Variants in PCNX1 observed in about 807,000 individuals in gnomAD.
The protein encoded by PCNX1 is pecanex-like protein 1.
Under a neutral mutation model 242.2 loss-of-function variants are expected in PCNX1, and 78 were observed. That is an observed-to-expected ratio of 0.32 (90% CI 0.27 to 0.39). The LOEUF (loss-of-function observed/expected upper bound fraction) is 0.39. PCNX1 is among the 10% of genes least tolerant of loss of function. The pLI is 1.00. For missense variants in PCNX1, 2,581 were observed against 2,856.5 expected (o/e 0.90, Z 2.20); for synonymous variants, 1,024 against 1,032.9 (o/e 0.99, Z 0.17).
chr14:70,925,283 C>G (rs532389810), intron 1 of PCNX1, among the ~76,000 whole-genome samples: 16 of 152,310 alleles, frequency 1.1e-4, no homozygotes, highest in African/African-American at 3.9e-4. Context: ...GCCACGAAGC[C>G]CGGCTTGCGT....
In PCNX1 at chr14:70,994,426, T is replaced by TATATATATATATATATAG. The variant is rs1387360991; in HGVS notation, c.2445-1311_2445-1310insATATATATATATAGATAT. On this transcript the variant is annotated intron_variant, in intron 7 of 35. Coordinates refer to ENST00000304743, the MANE Select transcript of PCNX1 (RefSeq NM_014982.3). ...ATATATATATATATATATATATATA[T>TATATATATATATATATAG]ATATGTATGTATGTATGTTTCAACA... Among the ~76,000 whole-genome samples the TATATATATATATATATAG allele has an allele frequency of 4.6e-4, 53 of 114,974 alleles. 2 individuals carry two copies. The highest frequency in any genetic ancestry group is 8.1e-4 in the Non-Finnish European group (44 of 54,202). 75.4% of individuals were successfully genotyped at this position (114,974 alleles called of 152,430 possible).
chr14:71,106,129 T>TCAGCCTC (rs2062612449), intron 33 of PCNX1, among the ~76,000 whole-genome samples: 1 of 151,982 alleles, frequency 6.6e-6, no homozygotes, highest in South Asian at 2.1e-4. Context: ...TTCTCCTACC[T>TCAGCCTC]CAGCCTCCCG....
intron 2 of PCNX1, among the ~76,000 whole-genome samples, chr14:70,961,127 C>T (rs1182685830): frequency 6.6e-6 from 1 of 152,090 alleles, no homozygotes; most frequent in Non-Finnish European, 1.5e-5. Flanking sequence ...TCCCCATCAA[C>T]CTACCAATGA....
At chr14:71,025,989 G>T in intron 13 of PCNX1, 128 bp from the exon 14 acceptor site, 1 of 496,246 alleles carries the variant, frequency 2.0e-6, no homozygotes. Flanking sequence ...TCCTTTCTGT[G>T]ATTGTCAGAA....
chr14:70,941,913 C>T (rs1357907307), intron 1 of PCNX1, among the ~76,000 whole-genome samples: 5 of 152,290 alleles, frequency 3.3e-5, no homozygotes, highest in East Asian at 3.9e-4. Flanking sequence ...GCTCTGTGGG[C>T]GTGGGACCCT....
At chr14:70,930,067 G>A (rs1358194582) in intron 1 of PCNX1, among the ~76,000 whole-genome samples, 1 of 151,718 alleles carries the variant, frequency 6.6e-6, no homozygotes, top group Non-Finnish European at 1.5e-5. Context: ...TATTTTTCAT[G>A]TCTGTGCCCT....
chr14:70,963,578 A>C (rs2058286111), intron 3 of PCNX1, among the ~76,000 whole-genome samples: 1 of 152,230 alleles, frequency 6.6e-6, no homozygotes, highest in Non-Finnish European at 1.5e-5. Flanking sequence ...AATCTTGAAC[A>C]GGGTCTTGTT....
intron 5 of PCNX1, among the ~76,000 whole-genome samples, chr14:70,974,791 T>TA (rs1277792194): frequency 1.1e-4 from 16 of 152,196 alleles, no homozygotes; most frequent in Admixed American, 3.9e-4. Context: ...ACAATTATTT[T>TA]AAAAAAAGTT....
chr14:70,907,791 C>T lies in PCNX1; in HGVS notation c.-60C>T. On this transcript the variant is annotated 5_prime_UTR_variant, in exon 1 of 36. Coordinates refer to ENST00000304743, the MANE Select transcript of PCNX1 (RefSeq NM_014982.3). ...GCAGGCTCCGGCGACCGAGGCCGAG[C>T]TGGGGCCGGGGCGGGGACGGCGGCG... 8 of 1,212,112 alleles carry T rather than the reference C, an allele frequency of 6.6e-6. No individual in the cohort carries two copies. Among genetic ancestry groups the T allele is most frequent in the Non-Finnish European group, 8.2e-6 (8 of 975,124 alleles). 75.1% of individuals were successfully genotyped at this position (1,212,112 alleles called of 1,614,324 possible). A position where few individuals can be genotyped will look rare whatever the true frequency, so the allele number is the denominator to read the frequency against.
At chr14:71,050,222 G>A (rs1373930675) in intron 22 of PCNX1, among the ~76,000 whole-genome samples, 1 of 151,210 alleles carries the variant, frequency 6.6e-6, no homozygotes, top group Non-Finnish European at 1.5e-5. Context: ...TGCACAATGT[G>A]CAGGTTAGTT....
chr14:70,936,100 ATAAAT>A (rs2056990403), intron 1 of PCNX1, among the ~76,000 whole-genome samples: 1 of 152,220 alleles, frequency 6.6e-6, no homozygotes, highest in South Asian at 2.1e-4. Flanking sequence ...TATTAAAGCT[ATAAAT>A]TAAACAACTA....
At chr14:71,013,567 T>TTTTTTTTTTTTTTCTTTTTTTTTTTTTG (rs1306331568) in intron 11 of PCNX1, among the ~76,000 whole-genome samples, 1 of 151,676 alleles carries the variant, frequency 6.6e-6, no homozygotes, top group Non-Finnish European at 1.5e-5. Flanking sequence ...CCCTGGTTCT[T>TTTTTTTTTTTTTTCTTTTTTTTTTTTTG]AACACTACTC....
intron 28 of PCNX1, among the ~76,000 whole-genome samples, chr14:71,078,361 G>T (rs1427693769): frequency 6.6e-6 from 1 of 152,162 alleles, no homozygotes; most frequent in Non-Finnish European, 1.5e-5. Flanking sequence ...TCATCTGAAT[G>T]TTTAAAAGCT....
In PCNX1 at chr14:70,977,986, T is replaced by A. The variant is rs143803025; in HGVS notation, c.1649T>A (p.Ile550Asn). The A allele has an allele frequency of 5.5e-5, 89 of 1,613,966 alleles. No individual in the cohort carries two copies. The highest frequency in any genetic ancestry group is 7.0e-5 in the Non-Finnish European group (83 of 1,180,024). The change falls in exon 6 of 36, where the codon ATC becomes AAC. Residue 550 changes from isoleucine (I) to asparagine (N), a missense_variant. By Grantham distance (149) the Ile-to-Asn change is moderately radical. Transcript: ENST00000304743. ...GDVRPKSSSV[I>N]HRTASAHKSG... The stretch of plus-strand genomic sequence containing the variant: ...GTTCGACCTAAATCTTCTAGCGTAA[T>A]CCATCGGACAGCTTCTGCCCACAAG...
chr14:70,986,907 A>G (rs1265512910), intron 6 of PCNX1, among the ~76,000 whole-genome samples: 1 of 152,208 alleles, frequency 6.6e-6, no homozygotes, highest in African/African-American at 2.4e-5. Context: ...TATTTCACAA[A>G]ATAATTCTTG....
chr14:71,069,766 T>C (rs1235939509), intron 26 of PCNX1, among the ~76,000 whole-genome samples: 2 of 152,236 alleles, frequency 1.3e-5, no homozygotes, highest in Non-Finnish European at 2.9e-5. Flanking sequence ...ATCTTTTTGC[T>C]GATGGAGGGT....
At chr14:70,944,481 T>C (rs891674839) in intron 1 of PCNX1, among the ~76,000 whole-genome samples, 1 of 152,230 alleles carries the variant, frequency 6.6e-6, no homozygotes, top group Admixed American at 6.5e-5. Flanking sequence ...GTATCCCCAT[T>C]GTACCTAGGA....
intron 22 of PCNX1, 109 bp from the exon 23 acceptor site, chr14:71,050,543 C>T: frequency 2.2e-6 from 2 of 917,688 alleles, no homozygotes; most frequent in South Asian, 2.0e-5. Context: ...ATGCCATTTC[C>T]CTATTAGGAG....
chr14:71,009,856 A>G lies in PCNX1; in HGVS notation c.2720+132A>G, dbSNP rs1052675056. ...TAATGTTGTTAATTGACAAATAAAA[A>G]TCATAAATATTTATGGCATACAACC... On this transcript the variant is annotated intron_variant, in intron 9 of 35. Transcript: ENST00000304743. 6.4e-5 allele frequency: 30 copies of G among 465,654 alleles called. 1 individual carries two copies. Among genetic ancestry groups the G allele is most frequent in the African/African-American group, 5.7e-4 (29 of 50,830 alleles). The allele number at this position is 465,654 out of a possible 1,614,324, so 28.8% of individuals were successfully genotyped here.
Sources: gnomAD v4.1 joint callset for allele counts (sites outside exome capture counted in the v4.1 genomes callset) on GRCh38, gnomAD v4.1.1 for gene constraint, MANE v1.5 for transcripts, NCBI Gene and HGNC (gene_info 2026-07-23, HGNC 2026-07-21) for gene names.